The following FREM1 variants were observed in gnomAD, a reference collection of about 807,000 sequenced individuals.
FREM1 encodes the protein FRAS1-related extracellular matrix protein 1.
FREM1 carries 220 observed loss-of-function variants against 210.1 expected under a neutral mutation model. The ratio of observed to expected loss-of-function variants is 1.05; its 90% CI spans 0.94 to 1.17. FREM1 has a LOEUF of 1.17. Ranked by LOEUF, FREM1 falls within the 50% of genes most tolerant of loss-of-function variation. The probability of loss-of-function intolerance (pLI) is 0.00; values close to 1 mark genes in which losing one functional copy is unlikely to be tolerated. For missense variants in FREM1, 3,454 were observed against 2,675.5 expected (o/e 1.29, Z -6.42); for synonymous variants, 1,189 against 980.2 (o/e 1.21, Z -3.98).
chr9:14,892,445 G>A lies in FREM1; in HGVS notation c.-268+17469C>T, dbSNP rs538142463. 5.3e-5 allele frequency among the ~76,000 whole-genome samples: 8 copies of A among 152,240 alleles called. No individual in the cohort carries two copies. In the East Asian group the frequency reaches 1.4e-3, roughly 26 times the overall value. On this transcript the variant is annotated intron_variant, in intron 1 of 36. Transcript: ENST00000380880. ...GCCCCTCTTAATAAAAGGCAAGGAC[G>A]CTTGACCGAACTTGGGTTTGAGACC...
At chr9:14,815,324 T>C (rs533148089) in intron 15 of FREM1, among the ~76,000 whole-genome samples, 2 of 152,320 alleles carry the variant, frequency 1.3e-5, no homozygotes, top group East Asian at 1.9e-4. Context: ...TCCTTAGCTA[T>C]AAAATGGGGA....
rs1451065783 is a variant in FREM1 at position 14,845,974 on chromosome 9, C to T, written c.1379G>A (p.Trp460Ter). Reference sequence around the variant, plus strand: ...GGATCATTCACCTCTTAAAGTCAGCCATCCATGCTGCAGGCCACCAACGGT... The same window carrying T: ...GGATCATTCACCTCTTAAAGTCAGCTATCCATGCTGCAGGCCACCAACGGT... ...LVTVGGLQHG[W>*]LTLRGGKGFL... Residue 460 changes from tryptophan to a stop codon, truncating the protein, a stop_gained, in exon 8 of 37, where the codon TGG (tryptophan) becomes TAG (stop). Transcript: ENST00000380880. LOFTEE classifies it high-confidence loss of function. 1 of 1,613,552 alleles carries T rather than the reference C, an allele frequency of 6.2e-7. No individual in the cohort carries two copies. Among genetic ancestry groups the T allele is most frequent in the Non-Finnish European group, 8.5e-7 (1 of 1,179,704 alleles).
chr9:14,892,261 G>T (rs1478066937), intron 1 of FREM1, among the ~76,000 whole-genome samples: 5 of 152,170 alleles, frequency 3.3e-5, no homozygotes, highest in African/African-American at 9.7e-5. Context: ...CCAAAGGGAT[G>T]ATACTGAAGA....
rs1230078063 is a variant in FREM1 at position 14,859,270 on chromosome 9, G to C, written c.544C>G (p.Leu182Val). The C allele has an allele frequency of 4.3e-6, 7 of 1,613,642 alleles. No individual in the cohort carries two copies. In the Admixed American group the frequency reaches 1.2e-4, roughly 27 times the overall value. The change falls in exon 4 of 37, where the codon CTG becomes GTG. Residue 182 changes from leucine (L) to valine (V), a missense_variant. Physicochemically the swap from Leu to Val is conservative, Grantham distance 32. Coordinates refer to ENST00000380880, the MANE Select transcript of FREM1 (RefSeq NM_001379081.2). ...TVSLDTARTR[L>V]PAHGQMVLGE... Reference sequence around the variant, plus strand: ...AGAACCATCTGGCCATGGGCTGGCAGCCGAGTTCTCGCAGTGTCCAGGCTG... The same window carrying C: ...AGAACCATCTGGCCATGGGCTGGCACCCGAGTTCTCGCAGTGTCCAGGCTG...
At position 14,847,782 on chromosome 9, in the gene FREM1, C is replaced by G. The variant is rs76306390; in HGVS notation, c.1261+883G>C. ...CTGGGTGTCACCGATCACACATACA[C>G]GTACAGACTATTCCATCTCTACACT... On this transcript the variant is annotated intron_variant, in intron 7 of 36. Transcript: ENST00000380880. Among the ~76,000 whole-genome samples, 1,385 of 152,152 alleles carry G rather than the reference C, an allele frequency of 9.1e-3. 23 individuals are homozygous for G. The highest frequency in any genetic ancestry group is 0.031 in the African/African-American group (1,306 of 41,482).
At chr9:14,863,619 C>G (rs987656620) in intron 3 of FREM1, among the ~76,000 whole-genome samples, 190 bp downstream of exon 3, 2 of 152,114 alleles carry the variant, frequency 1.3e-5, no homozygotes, top group Non-Finnish European at 2.9e-5. Context: ...GAAGATGACA[C>G]AAGTGGAAAT....
chr9:14,745,469 G>A (rs961890998), intron 35 of FREM1, among the ~76,000 whole-genome samples: 8 of 152,128 alleles, frequency 5.3e-5, no homozygotes, highest in South Asian at 2.1e-4. Flanking sequence ...TGTTTGAATC[G>A]TCATTTTGTC....
intron 3 of FREM1, among the ~76,000 whole-genome samples, chr9:14,860,237 A>G (rs1336917786): frequency 6.6e-6 from 1 of 152,114 alleles, no homozygotes; most frequent in Non-Finnish European, 1.5e-5. Flanking sequence ...GGAGGAAGAA[A>G]CTCAGGCATA....
chr9:14,784,260 A>C (rs866247482), intron 24 of FREM1, 110 bp downstream of exon 24: 1 of 969,856 alleles, frequency 1.0e-6, no homozygotes, highest in Middle Eastern at 3.4e-4. Flanking sequence ...TGATGTTATA[A>C]GATACATGTA....
chr9:14,765,600 G>A (rs1373598909), intron 27 of FREM1, among the ~76,000 whole-genome samples: 1 of 152,158 alleles, frequency 6.6e-6, no homozygotes, highest in Non-Finnish European at 1.5e-5. Flanking sequence ...TGCAGGTAAT[G>A]TGCAGGTATT....
In FREM1 at chr9:14,742,948, T is replaced by C. The variant is rs796159630; in HGVS notation, c.6255-2714A>G. On this transcript the variant is annotated intron_variant, in intron 35 of 36. Coordinates refer to ENST00000380880, the MANE Select transcript of FREM1 (RefSeq NM_001379081.2). ...TCTATCTCTTTCATTTACTTCCTTG[T>C]ATACCTGTGAGCAAGTGATTTCGCT... 2.7e-4 allele frequency among the ~76,000 whole-genome samples: 41 copies of C among 152,244 alleles called. 1 individual carries two copies. The highest frequency in any genetic ancestry group is 9.9e-4 in the African/African-American group (41 of 41,578).
At chr9:14,841,632 T>C in intron 9 of FREM1, 43 bp from the exon 10 acceptor site, 5 of 1,454,776 alleles carry the variant, frequency 3.4e-6, no homozygotes, top group Non-Finnish European at 4.6e-6. Context: ...TACAAGCCTA[T>C]CAAATATCGA....
chr9:14,857,595 G>C lies in FREM1; in HGVS notation c.786C>G (p.Ile262Met), dbSNP rs1249303623. 4 of 1,613,856 alleles carry C rather than the reference G, an allele frequency of 2.5e-6. No homozygotes were observed. The highest frequency in any genetic ancestry group is 1.3e-5 in the African/African-American group (1 of 75,002). The stretch of plus-strand genomic sequence containing the variant: ...TCCTGGTATCTGTGAGGTCCAGTTG[G>C]ATGGAGATATAATCAATGTTGGGTG... ...PPSPNIDYIS[I>M]QLDLTDTRSK... Residue 262 changes from isoleucine to methionine, a missense_variant, in exon 5 of 37, where the codon ATC (isoleucine) becomes ATG (methionine). Transcript: ENST00000380880.
At chr9:14,756,539 C>A in intron 28 of FREM1, 93 bp from the exon 29 acceptor site, 1 of 833,944 alleles carries the variant, frequency 1.2e-6, no homozygotes, top group Non-Finnish European at 1.8e-6. Context: ...TAAACTCATG[C>A]TCTTAAATCT....
intron 1 of FREM1, among the ~76,000 whole-genome samples, chr9:14,871,936 C>T (rs543554482): frequency 2.2e-4 from 33 of 152,248 alleles, no homozygotes; most frequent in African/African-American, 7.5e-4. Context: ...TTCCCCATTG[C>T]TTGTTTTTGT....
intron 3 of FREM1, among the ~76,000 whole-genome samples, 163 bp downstream of exon 3, chr9:14,863,646 C>A (rs1830979269): frequency 6.6e-6 from 1 of 152,132 alleles, no homozygotes. Context: ...AAGTTGGCTA[C>A]AAATCTTGCC....
rs1317384048 is a variant in FREM1, at chr9:14,861,201, A to G, written c.330-1717T>C. On this transcript the variant is annotated intron_variant, in intron 3 of 36. Transcript: ENST00000380880. ...CATATATACACATATATACATATATACACACATATACATATATACACATAT... is the reference window on the plus strand; with the variant it reads ...CATATATACACATATATACATATATGCACACATATACATATATACACATAT... 2.9e-5 allele frequency among the ~76,000 whole-genome samples: 3 copies of G among 103,752 alleles called. 1 individual carries two copies. The highest frequency in any genetic ancestry group is 5.1e-5 in the Non-Finnish European group (3 of 58,490). The allele number at this position is 103,752 out of a possible 152,430, so 68.1% of individuals were successfully genotyped here. A position where few individuals can be genotyped will look rare whatever the true frequency, so the allele number is the denominator to read the frequency against.
At chr9:14,837,055 A>T (rs1200381997) in intron 10 of FREM1, among the ~76,000 whole-genome samples, 1 of 152,202 alleles carries the variant, frequency 6.6e-6, no homozygotes, top group Non-Finnish European at 1.5e-5. Context: ...AACTGGGTCC[A>T]CCCAACATGG....
chr9:14,791,709 A>G (rs1473149940), intron 22 of FREM1, among the ~76,000 whole-genome samples: 1 of 152,242 alleles, frequency 6.6e-6, no homozygotes, highest in Non-Finnish European at 1.5e-5. Context: ...TGGAGAAGAC[A>G]TAAGGATGGC....
Sources: gnomAD v4.1 joint callset for allele counts (sites outside exome capture counted in the v4.1 genomes callset) on GRCh38, gnomAD v4.1.1 for gene constraint, MANE v1.5 for transcripts, NCBI Gene and HGNC (gene_info 2026-07-23, HGNC 2026-07-21) for gene names.